GRM1: variants seen among roughly 807,000 people sequenced by gnomAD.
GRM1 encodes the protein metabotropic glutamate receptor 1.
In GRM1, 33 loss-of-function variants were observed where a neutral mutation model predicts 90.9. The observed-to-expected ratio is 0.36, with a 90% CI of 0.28 to 0.49. GRM1 has a LOEUF of 0.49. Ranked by LOEUF, GRM1 falls within the 20% of genes least tolerant of loss-of-function variation. The pLI, the probability that GRM1 is intolerant of heterozygous loss-of-function variation, is 0.99. For synonymous variants in GRM1, 700 were observed against 613.2 expected (o/e 1.14, Z -2.09); for missense variants, 1,190 against 1,534.3 (o/e 0.78, Z 3.75).
intron 1 of GRM1, among the ~76,000 whole-genome samples, chr6:146,086,054 T>A (rs76036768): frequency 0.014 from 2,063 of 152,078 alleles, 52 homozygotes; most frequent in African/African-American, 0.047. Flanking sequence ...TGGAATAGAG[T>A]GCATTCTTAT....
In GRM1 at chr6:146,417,136, C is replaced by A. The variant is rs1048391448; in HGVS notation, c.2661-16736C>A. Among the ~76,000 whole-genome samples, 4 of 152,228 alleles carry A rather than the reference C, an allele frequency of 2.6e-5. No individual in the cohort carries two copies. The East Asian group carries it at 5.8e-4, about 22-fold the overall frequency. On this transcript the variant is annotated intron_variant, in intron 7 of 7. Transcript: ENST00000282753. ...TCTGCCTGGATTCTTAGTCTGTTGT[C>A]CTGTATCAAGAATCATCAAAAATTC... is the stretch of plus-strand genomic sequence containing the variant.
intron 7 of GRM1, among the ~76,000 whole-genome samples, chr6:146,430,582 C>T (rs757569367): frequency 9.9e-5 from 15 of 152,106 alleles, no homozygotes; most frequent in South Asian, 2.1e-4. Context: ...GAAGCAGAAA[C>T]GATTAAAGTT....
chr6:146,303,640 T>C (rs780645932), intron 2 of GRM1, among the ~76,000 whole-genome samples: 6 of 152,120 alleles, frequency 3.9e-5, no homozygotes, highest in Admixed American at 6.5e-5. Flanking sequence ...ATGTGACAAT[T>C]AGCAAACACA....
intron 2 of GRM1, among the ~76,000 whole-genome samples, chr6:146,186,784 GTGATT>G (rs1778749004): frequency 1.3e-5 from 2 of 152,142 alleles, no homozygotes; most frequent in Non-Finnish European, 2.9e-5. Context: ...CAACATTTTA[GTGATT>G]TAAACCCACA....
At chr6:146,185,350 G>A (rs1778696415) in intron 2 of GRM1, among the ~76,000 whole-genome samples, 1 of 152,206 alleles carries the variant, frequency 6.6e-6, no homozygotes, top group African/African-American at 2.4e-5. Context: ...ATTGTGCTGT[G>A]CCATACAGCC....
intron 7 of GRM1, among the ~76,000 whole-genome samples, chr6:146,411,638 C>G (rs1303201631): frequency 2.6e-5 from 4 of 152,162 alleles, no homozygotes; most frequent in African/African-American, 9.7e-5. Context: ...GAGACTGGTA[C>G]AGGGTCCAGG....
chr6:146,114,323 A>G (rs1262220511), intron 1 of GRM1, among the ~76,000 whole-genome samples: 1 of 152,232 alleles, frequency 6.6e-6, no homozygotes, highest in Non-Finnish European at 1.5e-5. Flanking sequence ...TATATTGATG[A>G]TATTATTGCT....
At chr6:146,357,436 CTT>C (rs1275880490) in intron 4 of GRM1, 88 bp from the exon 5 acceptor site, 7 of 1,051,918 alleles carry the variant, frequency 6.7e-6, no homozygotes, top group African/African-American at 6.2e-5. Context: ...CTAGCTTTCT[CTT>C]GTTTCTATTA....
intron 3 of GRM1, among the ~76,000 whole-genome samples, chr6:146,334,148 A>G (rs1333056344): frequency 6.6e-6 from 1 of 152,098 alleles, no homozygotes; most frequent in Non-Finnish European, 1.5e-5. Context: ...GGGCTTCCAC[A>G]CTGCAGAACT....
intron 1 of GRM1, among the ~76,000 whole-genome samples, chr6:146,034,616 T>G (rs1790819015): frequency 6.6e-6 from 1 of 152,034 alleles, no homozygotes; most frequent in Non-Finnish European, 1.5e-5. Flanking sequence ...TATCTTAGTA[T>G]TCCAGCTTTG....
intron 2 of GRM1, among the ~76,000 whole-genome samples, chr6:146,242,682 AAT>A (rs1431342965): frequency 1.3e-5 from 2 of 152,074 alleles, no homozygotes; most frequent in African/African-American, 4.8e-5. Context: ...TAGTAGGGAA[AAT>A]ACAGAAAATG....
chr6:146,251,473 C>A (rs1278631133), intron 2 of GRM1, among the ~76,000 whole-genome samples: 1 of 152,170 alleles, frequency 6.6e-6, no homozygotes, highest in Non-Finnish European at 1.5e-5. Flanking sequence ...TATATTATTC[C>A]ATTTTGAATT....
intron 2 of GRM1, among the ~76,000 whole-genome samples, chr6:146,272,934 A>G (rs1195361469): frequency 1.3e-5 from 2 of 152,152 alleles, no homozygotes; most frequent in African/African-American, 2.4e-5. Flanking sequence ...CAGCAAGAGT[A>G]TGACTATCAC....
intron 2 of GRM1, among the ~76,000 whole-genome samples, chr6:146,255,157 C>T (rs932321993): frequency 1.3e-5 from 2 of 152,178 alleles, no homozygotes; most frequent in Non-Finnish European, 2.9e-5. Context: ...TGAGGCTAAG[C>T]ACACCTTTTC....
intron 1 of GRM1, among the ~76,000 whole-genome samples, chr6:146,124,630 A>G (rs964390608): frequency 3.9e-5 from 6 of 152,190 alleles, no homozygotes; most frequent in Admixed American, 6.5e-5. Flanking sequence ...TGGTTATACT[A>G]CAATATGGTA....
chr6:146,109,989 G>C (rs979814641), intron 1 of GRM1, among the ~76,000 whole-genome samples: 1 of 152,172 alleles, frequency 6.6e-6, no homozygotes, highest in East Asian at 1.9e-4. Context: ...TTGTATCTAG[G>C]AAGTAGCTAA....
chr6:146,192,978 A>G (rs936730971), intron 2 of GRM1, among the ~76,000 whole-genome samples: 4 of 152,080 alleles, frequency 2.6e-5, no homozygotes. Flanking sequence ...CAGATTAAGG[A>G]TAGAGTTCAT....
chr6:146,029,509 C>G lies in GRM1; in HGVS notation c.-9C>G. On this transcript the variant is annotated 5_prime_UTR_variant, in exon 1 of 8. Transcript: ENST00000282753. ...CGGCTGGCAGGCTGTGGACCTCGTC[C>G]TCACCACCATGGTCGGGCTCCTTTT... 6.2e-7 allele frequency: 1 copy of G among 1,610,648 alleles called. No individual in the cohort carries two copies. Among genetic ancestry groups the G allele is most frequent in the Non-Finnish European group, 8.5e-7 (1 of 1,176,820 alleles).
intron 1 of GRM1, among the ~76,000 whole-genome samples, chr6:146,147,831 C>A (rs1182039517): frequency 6.6e-6 from 1 of 151,730 alleles, no homozygotes; most frequent in African/African-American, 2.4e-5. Flanking sequence ...GCTCATAGAT[C>A]AATAAATCTA....
Sources: allele counts gnomAD v4.1 joint callset (sites outside exome capture counted in the v4.1 genomes callset), GRCh38; gene constraint gnomAD v4.1.1; transcripts MANE v1.5; gene names NCBI Gene and HGNC (gene_info 2026-07-23, HGNC 2026-07-21).